The following CRAMP1 variants were observed in gnomAD, a reference collection of about 807,000 sequenced individuals.
The protein encoded by CRAMP1 is cramped chromatin regulator 1, also known as protein cramped-like.
A neutral mutation model predicts 115.4 loss-of-function variants in CRAMP1; 50 were observed. That is an observed-to-expected ratio of 0.43 (90% CI 0.35 to 0.55). The LOEUF (loss-of-function observed/expected upper bound fraction) is 0.55. Among genes scored for constraint, CRAMP1 ranks in the 20% least tolerant of loss-of-function variants. The pLI is 0.01. For missense variants in CRAMP1, 1,679 were observed against 1,721.7 expected, an observed-to-expected ratio of 0.98 and a Z score of 0.44; for synonymous variants, 866 against 745.4, an observed-to-expected ratio of 1.16 and a Z score of -2.64.
chr16:1,618,537 C>T (rs1037073028), intron 2 of CRAMP1, among the ~76,000 whole-genome samples: 6 of 152,124 alleles, frequency 3.9e-5, no homozygotes, highest in Non-Finnish European at 4.4e-5. Context: ...TTATTTTGGT[C>T]CCCCTCTCAC....
chr16:1,646,968 A>G, intron 6 of CRAMP1: 3 of 700,748 alleles, frequency 4.3e-6, no homozygotes, highest in Non-Finnish European at 5.2e-6. Flanking sequence ...GTGTGGTTCC[A>G]TTCTGGACCT....
intron 3 of CRAMP1, among the ~76,000 whole-genome samples, chr16:1,628,593 T>G (rs543043053): frequency 6.6e-6 from 1 of 152,346 alleles, no homozygotes; most frequent in East Asian, 1.9e-4. Flanking sequence ...TCATCAAAAC[T>G]AGGTGGCCTT....
chr16:1,626,316 G>GC, intron 3 of CRAMP1, 150 bp downstream of exon 3: 1 of 532,910 alleles, frequency 1.9e-6, no homozygotes, highest in South Asian at 2.4e-5. Context: ...GTGGGCTCTA[G>GC]CCTTGCCCAC....
In CRAMP1 at chr16:1,656,481, A is replaced by G; in HGVS notation, c.1724A>G (p.Glu575Gly). The stretch of plus-strand genomic sequence containing the variant: ...TCCTGTCAGGACCTCATTGTCCCCG[A>G]GCAGTGCCGCTGTGCGGACACACGG... Reference protein sequence around the residue: ...LKSCQDLIVPEQCRCADTRPG... With the variant: ...LKSCQDLIVPGQCRCADTRPG... Residue 575 changes from glutamate (E) to glycine (G), a missense_variant, in exon 10 of 21, where the codon GAG becomes GGG. Transcript: ENST00000397412. This position sits in a 1 kb window ranked among gnomAD's most constrained non-coding sequence, Gnocchi z 5.6. The G allele has an allele frequency of 2.5e-6, 4 of 1,578,620 alleles. No homozygotes were observed. Among genetic ancestry groups the G allele is most frequent in the South Asian group, 1.2e-5 (1 of 86,194 alleles).
rs2036777794 is a variant in CRAMP1 at position 1,656,617 on chromosome 16, C to T, written c.1860C>T (p.Gly620=). The change falls in exon 10 of 21, where the codon GGC becomes GGT. Residue 620 remains glycine (G), a synonymous_variant. Coordinates refer to ENST00000397412, the MANE Select transcript of CRAMP1 (RefSeq NM_020825.4). The surrounding 1 kb of genome is among the most constrained non-coding windows in gnomAD (Gnocchi z 5.6). The stretch of plus-strand genomic sequence containing the variant: ...CCACTGGCCCATCCCCGAGGCCCGG[C>T]CCCGGGCTCCTGCTGGATGTTTGCA... ...LAPTGPSPRP[G]PGLLLDVCTK... 10 of 1,574,902 alleles carry T rather than the reference C, an allele frequency of 6.3e-6. No individual in the cohort carries two copies. In the East Asian group the frequency reaches 1.9e-4, roughly 30 times the overall value.
At chr16:1,636,948 G>C (rs1284078752) in intron 4 of CRAMP1, among the ~76,000 whole-genome samples, 4 of 152,164 alleles carry the variant, frequency 2.6e-5, no homozygotes, top group Non-Finnish European at 5.9e-5. Flanking sequence ...ACTTCCAGTG[G>C]TGTAGCCATG....
At chr16:1,620,648 T>C (rs992249778) in intron 2 of CRAMP1, 18 of 457,014 alleles carry the variant, frequency 3.9e-5, no homozygotes, top group African/African-American at 2.4e-4. Flanking sequence ...ACAGACATCT[T>C]CCAAAGGCCC....
chr16:1,624,817 C>T (rs776883598), intron 2 of CRAMP1, among the ~76,000 whole-genome samples: 2 of 152,104 alleles, frequency 1.3e-5, no homozygotes, highest in African/African-American at 2.4e-5. Context: ...CTCTTGACCT[C>T]GTGATCTGCC....
intron 4 of CRAMP1, among the ~76,000 whole-genome samples, chr16:1,632,960 C>T (rs190633058): frequency 1.3e-5 from 2 of 152,328 alleles, no homozygotes; most frequent in Admixed American, 6.5e-5. Flanking sequence ...CTGCCTCCTG[C>T]CTCCGCCTAT....
rs978401378 is a variant in CRAMP1 at position 1,669,748 on chromosome 16, A to G, written c.3499+583A>G. On this transcript the variant is annotated intron_variant, in intron 19 of 20. Coordinates refer to ENST00000397412, the MANE Select transcript of CRAMP1 (RefSeq NM_020825.4). This position sits in a 1 kb window ranked among gnomAD's most constrained non-coding sequence, Gnocchi z 4.6. ...CACCCTGCTGCTGTTGCCTGCCCAG[A>G]GAGAGCTCCCATTTGGATGTCTGGG... Among the ~76,000 whole-genome samples, 27 of 152,192 alleles carry G rather than the reference A, an allele frequency of 1.8e-4. No homozygotes were observed. The highest frequency in any genetic ancestry group is 4.4e-5 in the Non-Finnish European group (3 of 68,026).
At chr16:1,619,487 C>T (rs1202695842) in intron 2 of CRAMP1, among the ~76,000 whole-genome samples, 2 of 152,128 alleles carry the variant, frequency 1.3e-5, no homozygotes. Context: ...GGCACAACAG[C>T]GTTTTTAACA....
intron 3 of CRAMP1, among the ~76,000 whole-genome samples, chr16:1,627,907 C>A (rs990942316): frequency 6.6e-6 from 1 of 152,142 alleles, no homozygotes; most frequent in Non-Finnish European, 1.5e-5. Flanking sequence ...GAAACAATTA[C>A]TCCTGTGGTG....
At chr16:1,627,907 C>T (rs990942316) in intron 3 of CRAMP1, among the ~76,000 whole-genome samples, 1 of 152,142 alleles carries the variant, frequency 6.6e-6, no homozygotes, top group Non-Finnish European at 1.5e-5. Flanking sequence ...GAAACAATTA[C>T]TCCTGTGGTG....
At chr16:1,641,086 G>A (rs1034637074) in intron 5 of CRAMP1, 53 bp from the exon 6 acceptor site, 3 of 1,249,824 alleles carry the variant, frequency 2.4e-6, no homozygotes, top group Middle Eastern at 1.9e-4. Context: ...ATCTTCAGTG[G>A]CTTTGCTCCT....
intron 3 of CRAMP1, among the ~76,000 whole-genome samples, chr16:1,627,286 T>C (rs1289449128): frequency 2.0e-5 from 3 of 152,076 alleles, no homozygotes; most frequent in Non-Finnish European, 4.4e-5. Context: ...ACTGAGACTA[T>C]AGGCACACGC....
Position 1,656,230 on chromosome 16 carries a change from C to T in CRAMP1, c.1473C>T (p.Pro491=), listed in dbSNP as rs540067077. 1.1e-5 allele frequency: 18 copies of T among 1,607,892 alleles called. No individual in the cohort carries two copies. The highest frequency in any genetic ancestry group is 5.0e-5 in the Admixed American group (3 of 59,552). The change falls in exon 10 of 21, where the codon CCC becomes CCT. Residue 491 remains proline (P), a synonymous_variant. Coordinates refer to ENST00000397412, the MANE Select transcript of CRAMP1 (RefSeq NM_020825.4). This position sits in a 1 kb window ranked among gnomAD's most constrained non-coding sequence, Gnocchi z 5.6. ...TGCAGAGCTCCGGAGAGAGTTCCCCCGAAAGCGCCCCCGGGGAGGGGGCTG... is the reference window on the plus strand; with the variant it reads ...TGCAGAGCTCCGGAGAGAGTTCCCCTGAAAGCGCCCCCGGGGAGGGGGCTG... ...DALQSSGESS[P]ESAPGEGAAL... is the part of the protein sequence containing the mutation.
In CRAMP1 at chr16:1,671,605, A is replaced by G. The variant is rs2036924182; in HGVS notation, c.3645+796A>G. Among the ~76,000 whole-genome samples, 1 of 152,056 alleles carries G rather than the reference A, an allele frequency of 6.6e-6. No homozygotes were observed. Among genetic ancestry groups the G allele is most frequent in the Non-Finnish European group, 1.5e-5 (1 of 68,014 alleles). The stretch of plus-strand genomic sequence containing the variant: ...AGGGAGGGAACTCCAGGTCCAGGAG[A>G]TCATCCGCATGGGCTTAGCCCATGT... On this transcript the variant is annotated intron_variant, in intron 20 of 20. Coordinates refer to ENST00000397412, the MANE Select transcript of CRAMP1 (RefSeq NM_020825.4). This position sits in a 1 kb window ranked among gnomAD's most constrained non-coding sequence, Gnocchi z 5.0.
rs778655729 is a variant in CRAMP1 at position 1,668,207 on chromosome 16, G to A, written c.3334+14G>A. On this transcript the variant is annotated intron_variant, in intron 18 of 20. Transcript: ENST00000397412. ...CCGGTCAGTACGGTAAGGGCAGGGCGGCCTCACAGCCCTTCCTGTCATCAG... is the reference window on the plus strand; with the variant it reads ...CCGGTCAGTACGGTAAGGGCAGGGCAGCCTCACAGCCCTTCCTGTCATCAG... 4.8e-5 allele frequency: 76 copies of A among 1,573,194 alleles called. No individual in the cohort carries two copies. Among genetic ancestry groups the A allele is most frequent in the Middle Eastern group, 3.3e-4 (2 of 6,002 alleles).
Position 1,614,897 on chromosome 16 carries a change from C to A in CRAMP1, c.258C>A (p.Ser86Arg). The A allele has an allele frequency of 1.5e-6, 2 of 1,326,212 alleles. No individual in the cohort carries two copies. The highest frequency in any genetic ancestry group is 1.9e-6 in the Non-Finnish European group (2 of 1,036,998). The allele number at this position is 1,326,212 out of a possible 1,614,324, so 82.2% of individuals were successfully genotyped here. Residue 86 changes from serine to arginine, a missense_variant, in exon 2 of 21, where the codon AGC (serine) becomes AGA (arginine). Transcript: ENST00000397412. This position sits in a 1 kb window ranked among gnomAD's most constrained non-coding sequence, Gnocchi z 4.4. ...PQDQHHFLRS[S>R]VRPQSKRPRK... ...ACCAGCACCACTTCCTCCGGTCCAG[C>A]GTGCGGCCGCAGAGCAAGAGGCCCA...
Sources: allele counts gnomAD v4.1 joint callset (sites outside exome capture counted in the v4.1 genomes callset), GRCh38; gene constraint gnomAD v4.1.1; non-coding constraint Gnocchi (gnomAD v3.1); transcripts MANE v1.5; gene names NCBI Gene and HGNC (gene_info 2026-07-23, HGNC 2026-07-21).